Variants in KITLG observed in about 807,000 individuals in gnomAD.
KITLG encodes KIT ligand.
KITLG carries 13 observed loss-of-function variants against 34.1 expected under a neutral mutation model. The observed-to-expected ratio is 0.38, with a 90% CI of 0.25 to 0.61. KITLG has a LOEUF of 0.61. Among genes scored for constraint, KITLG ranks in the 20% least tolerant of loss-of-function variants. The probability of loss-of-function intolerance (pLI) is 0.60; values close to 1 mark genes in which losing one functional copy is unlikely to be tolerated. For missense variants in KITLG, 292 were observed against 318.9 expected, an observed-to-expected ratio of 0.92 and a Z score of 0.64; for synonymous variants, 110 against 104.0, an observed-to-expected ratio of 1.06 and a Z score of -0.35.
In KITLG at chr12:88,532,511, G is replaced by C. The variant is rs775940974; in HGVS notation, c.130-8C>G. The C allele has an allele frequency of 2.5e-6, 4 of 1,568,788 alleles. No homozygotes were observed. Among genetic ancestry groups the C allele is most frequent in the Non-Finnish European group, 3.5e-6 (4 of 1,154,626 alleles). Reference sequence around the variant, plus strand: ...TTTTGGAAGATTTGCCACCTACAGAGACAAAAAAAAAAATTCCATAAGAAA... The same window carrying C: ...TTTTGGAAGATTTGCCACCTACAGACACAAAAAAAAAAATTCCATAAGAAA... On this transcript the variant is annotated splice_polypyrimidine_tract_variant and splice_region_variant and intron_variant, in intron 2 of 9. Coordinates refer to ENST00000644744, the MANE Select transcript of KITLG (RefSeq NM_000899.5).
chr12:88,554,808 A>G (rs983174339), intron 1 of KITLG, among the ~76,000 whole-genome samples: 3 of 152,196 alleles, frequency 2.0e-5, no homozygotes, highest in African/African-American at 7.2e-5. Flanking sequence ...ACACAGACTA[A>G]AATTCTTCTC....
At chr12:88,565,678 C>A (rs1326213514) in intron 1 of KITLG, among the ~76,000 whole-genome samples, 4 of 152,082 alleles carry the variant, frequency 2.6e-5, no homozygotes, top group African/African-American at 9.7e-5. Context: ...AAAATGTCAA[C>A]AGTACTAATA....
At chr12:88,548,486 A>T (rs924687740) in intron 1 of KITLG, among the ~76,000 whole-genome samples, 1 of 151,964 alleles carries the variant, frequency 6.6e-6, no homozygotes, top group Non-Finnish European at 1.5e-5. Flanking sequence ...ACAAAAGAGT[A>T]CATACAGCAC....
chr12:88,523,942 G>A (rs544025899), intron 3 of KITLG, among the ~76,000 whole-genome samples: 63 of 152,276 alleles, frequency 4.1e-4, no homozygotes, highest in African/African-American at 1.2e-3. Context: ...CTCTAAATAT[G>A]TGTTATTTCC....
chr12:88,524,693 CT>C (rs1869800674), intron 3 of KITLG, among the ~76,000 whole-genome samples: 1 of 151,962 alleles, frequency 6.6e-6, no homozygotes, highest in Non-Finnish European at 1.5e-5. Context: ...TGAACAGCAT[CT>C]TAATATAATC....
intron 3 of KITLG, among the ~76,000 whole-genome samples, chr12:88,524,655 C>G (rs542375697): frequency 9.2e-5 from 14 of 151,640 alleles, no homozygotes; most frequent in Middle Eastern, 6.8e-3. Context: ...CATTGTATTT[C>G]TATCAGAGAA....
Position 88,496,985 on chromosome 12 carries a change from G to A in KITLG, c.*234C>T, listed in dbSNP as rs1448906265. 3.6e-6 allele frequency: 1 copy of A among 279,888 alleles called. No homozygotes were observed. Among genetic ancestry groups the A allele is most frequent in the South Asian group, 3.2e-5 (1 of 31,138 alleles). The allele number at this position is 279,888 out of a possible 1,614,324, so 17.3% of individuals were successfully genotyped here. ...CCCGCAGTCCTTAAAATAGAGTCCT[G>A]CTCCATGCAAGTTCTTCTTTATAGA... is the stretch of plus-strand genomic sequence containing the variant. On this transcript the variant is annotated 3_prime_UTR_variant, in exon 10 of 10. Coordinates refer to ENST00000644744, the MANE Select transcript of KITLG (RefSeq NM_000899.5).
intron 4 of KITLG, among the ~76,000 whole-genome samples, chr12:88,518,162 G>A (rs1475565748): frequency 2.0e-5 from 3 of 152,080 alleles, no homozygotes; most frequent in Admixed American, 6.6e-5. Flanking sequence ...ACTCATTAGC[G>A]ACAGAGCCAG....
At chr12:88,573,927 G>A (rs772079534) in intron 1 of KITLG, among the ~76,000 whole-genome samples, 1 of 152,104 alleles carries the variant, frequency 6.6e-6, no homozygotes, top group Non-Finnish European at 1.5e-5. Context: ...CACAGAAAAG[G>A]CTACCTTATT....
At chr12:88,578,290 G>C (rs1448459916) in intron 1 of KITLG, among the ~76,000 whole-genome samples, 1 of 152,046 alleles carries the variant, frequency 6.6e-6, no homozygotes, top group Non-Finnish European at 1.5e-5. Flanking sequence ...TAGATCCTAG[G>C]CAATGAATGC....
chr12:88,561,329 A>G (rs1871293078), intron 1 of KITLG, among the ~76,000 whole-genome samples: 1 of 152,212 alleles, frequency 6.6e-6, no homozygotes, highest in South Asian at 2.1e-4. Flanking sequence ...TCCTAGTAAC[A>G]TCATGCCCAA....
chr12:88,528,944 A>T (rs1869978452), intron 3 of KITLG, among the ~76,000 whole-genome samples: 1 of 152,214 alleles, frequency 6.6e-6, no homozygotes, highest in South Asian at 2.1e-4. Flanking sequence ...TTCAGTAGCA[A>T]AATAGGTGGC....
intron 1 of KITLG, among the ~76,000 whole-genome samples, chr12:88,558,066 T>C (rs1871158443): frequency 6.6e-6 from 1 of 152,216 alleles, no homozygotes. Context: ...CATTTGGTGA[T>C]GTGAAATGAG....
intron 2 of KITLG, among the ~76,000 whole-genome samples, chr12:88,543,274 C>G (rs1000805428): frequency 3.9e-4 from 60 of 152,084 alleles, no homozygotes; most frequent in African/African-American, 1.3e-3. Flanking sequence ...CCCCCACCCC[C>G]CAACAGGCCC....
chr12:88,558,462 G>A (rs1385404283), intron 1 of KITLG, among the ~76,000 whole-genome samples: 3 of 152,138 alleles, frequency 2.0e-5, no homozygotes, highest in Non-Finnish European at 4.4e-5. Flanking sequence ...AATCTTGATC[G>A]TTTTCTCTGT....
chr12:88,574,629 T>G (rs1469852798), intron 1 of KITLG, among the ~76,000 whole-genome samples: 2 of 152,206 alleles, frequency 1.3e-5, no homozygotes, highest in Non-Finnish European at 2.9e-5. Context: ...TCAGTTCCTC[T>G]GATTCTCCCC....
chr12:88,500,915 G>C (rs543634903), intron 9 of KITLG, among the ~76,000 whole-genome samples: 26 of 152,192 alleles, frequency 1.7e-4, no homozygotes, highest in African/African-American at 6.0e-4. Context: ...GAGTAGCTGA[G>C]ACCATAGGTG....
chr12:88,554,356 G>C (rs185402721), intron 1 of KITLG, among the ~76,000 whole-genome samples: 2 of 152,134 alleles, frequency 1.3e-5, no homozygotes, highest in Non-Finnish European at 2.9e-5. Context: ...TATTACAGAC[G>C]TCACAAAGTC....
intron 3 of KITLG, among the ~76,000 whole-genome samples, chr12:88,526,150 T>C (rs1257284936): frequency 1.3e-5 from 2 of 152,144 alleles, no homozygotes; most frequent in African/African-American, 4.8e-5. Flanking sequence ...TCATGAACAT[T>C]AGGTTCAGGA....
Sources: gnomAD v4.1 joint callset for allele counts (sites outside exome capture counted in the v4.1 genomes callset) on GRCh38, gnomAD v4.1.1 for gene constraint, MANE v1.5 for transcripts, NCBI Gene and HGNC (gene_info 2026-07-23, HGNC 2026-07-21) for gene names.